Variants in SHISA9 observed in about 807,000 individuals in gnomAD.
The protein encoded by SHISA9 is shisa family member 9.
Under a neutral mutation model 38.0 loss-of-function variants are expected in SHISA9, and 13 were observed. The ratio of observed to expected loss-of-function variants is 0.34; its 90% confidence interval spans 0.22 to 0.54. The LOEUF is 0.54. Among genes scored for constraint, SHISA9 ranks in the 20% least tolerant of loss-of-function variants. The pLI, the probability that SHISA9 is intolerant of heterozygous loss-of-function variation, is 0.91. For missense variants in SHISA9, 538 were observed against 575.8 expected (o/e 0.93, Z 0.67); for synonymous variants, 275 against 242.0 (o/e 1.14, Z -1.27).
chr16:13,218,893 G>A (rs780008369), intron 4 of SHISA9, among the ~76,000 whole-genome samples: 4 of 152,178 alleles, frequency 2.6e-5, no homozygotes, highest in South Asian at 4.1e-4. Flanking sequence ...AACACCCATC[G>A]AAAGGCAGCT....
intron 2 of SHISA9, among the ~76,000 whole-genome samples, chr16:13,116,178 A>C (rs1271738747): frequency 6.6e-6 from 1 of 152,174 alleles, no homozygotes; most frequent in Non-Finnish European, 1.5e-5. Context: ...TGTGCACATA[A>C]GCTGATGCCT....
At chr16:13,281,064 A>G in the SHISA9 span, among the ~76,000 whole-genome samples, 1 of 151,832 alleles carries the variant, frequency 6.6e-6, no homozygotes. Context: ...TGCGAGTCAC[A>G]TTATTTACAT....
chr16:12,910,729 G>A lies in SHISA9; in HGVS notation c.564-5959G>A, dbSNP rs148301745. On this transcript the variant is annotated intron_variant, in intron 1 of 4. Transcript: ENST00000558583. ...AGCTTAGCTTCTTCTTCAGGTAACTGCAAGAGACAGGGTTCTCTAGAGAAA... is the reference window on the plus strand; with the variant it reads ...AGCTTAGCTTCTTCTTCAGGTAACTACAAGAGACAGGGTTCTCTAGAGAAA... The A allele has an allele frequency of 8.1e-6, 8 of 984,880 alleles. No individual in the cohort carries two copies. The Admixed American group carries it at 4.9e-4, about 60-fold the overall frequency. 61.0% of individuals were successfully genotyped at this position (984,880 alleles called of 1,614,324 possible). A position where few individuals can be genotyped will look rare whatever the true frequency, so the allele number is the denominator to read the frequency against.
At position 13,046,345 on chromosome 16, in the gene SHISA9, GGGTTTCA is replaced by G. The variant is rs1467859799; in HGVS notation, c.691+129533_691+129539del. Among the ~76,000 whole-genome samples, 3 of 152,192 alleles carry G rather than the reference GGGTTTCA, an allele frequency of 2.0e-5. No homozygotes were observed. The East Asian group carries it at 5.8e-4, about 29-fold the overall frequency. On this transcript the variant is annotated intron_variant, in intron 2 of 4. Transcript: ENST00000558583. The stretch of plus-strand genomic sequence containing the variant: ...TAAGTATGAGAGGCAGTCTGGATAT[GGGTTTCA>G]GGCACTCGGAAAGCTGAATTTTTAG...
At chr16:13,329,008 G>C in the SHISA9 span, among the ~76,000 whole-genome samples, 10 of 152,118 alleles carry the variant, frequency 6.6e-5, no homozygotes, top group Non-Finnish European at 1.5e-5. Flanking sequence ...TGTGCAAGTA[G>C]AAAATGGCTG....
chr16:13,148,504 T>C, intron 2 of SHISA9, among the ~76,000 whole-genome samples: 1 of 152,074 alleles, frequency 6.6e-6, no homozygotes, highest in Non-Finnish European at 1.5e-5. Flanking sequence ...CCACGTCACA[T>C]TGACACTCAT....
chr16:13,303,073 G>A, the SHISA9 span, among the ~76,000 whole-genome samples: 8 of 152,104 alleles, frequency 5.3e-5, no homozygotes, highest in Admixed American at 2.0e-4. Context: ...AGACTAATAC[G>A]ATGACCCAGT....
the SHISA9 span, among the ~76,000 whole-genome samples, chr16:13,388,267 A>G: frequency 6.6e-6 from 1 of 151,940 alleles, no homozygotes; most frequent in South Asian, 2.1e-4. Context: ...GCAAACTCTC[A>G]GAAGGGGGAA....
intron 2 of SHISA9, among the ~76,000 whole-genome samples, chr16:13,127,628 G>A (rs1405864108): frequency 6.6e-6 from 1 of 152,126 alleles, no homozygotes; most frequent in Non-Finnish European, 1.5e-5. Context: ...TTCTCTGGCT[G>A]TCCTCCAAAA....
the SHISA9 span, among the ~76,000 whole-genome samples, chr16:13,320,860 A>C: frequency 1.3e-5 from 2 of 152,194 alleles, no homozygotes; most frequent in African/African-American, 4.8e-5. Flanking sequence ...CCATTTATAC[A>C]ACAAGAAGGT....
At chr16:13,536,616 AAAG>A in the SHISA9 span, among the ~76,000 whole-genome samples, 184 of 152,340 alleles carry the variant, frequency 1.2e-3, no homozygotes, top group Admixed American at 2.2e-3. Context: ...AAAGACTAGC[AAAG>A]AAGAAGACGC....
At chr16:13,038,763 T>A (rs2073101863) in intron 2 of SHISA9, among the ~76,000 whole-genome samples, 1 of 152,148 alleles carries the variant, frequency 6.6e-6, no homozygotes, top group Admixed American at 6.6e-5. Context: ...CACTAGACCT[T>A]AAGCTCCACA....
At chr16:13,112,270 T>A (rs538475500) in intron 2 of SHISA9, among the ~76,000 whole-genome samples, 1 of 151,662 alleles carries the variant, frequency 6.6e-6, no homozygotes, top group Non-Finnish European at 1.5e-5. Flanking sequence ...ATTCAATGCA[T>A]ATTTGTTGAA....
chr16:13,313,270 A>C, the SHISA9 span, among the ~76,000 whole-genome samples: 37 of 150,588 alleles, frequency 2.5e-4, 1 homozygote, highest in Non-Finnish European at 4.6e-4. Context: ...AAAAAAAAAA[A>C]AACCCAGTTT....
chr16:13,329,730 G>T, the SHISA9 span, among the ~76,000 whole-genome samples: 1 of 152,200 alleles, frequency 6.6e-6, no homozygotes, highest in Non-Finnish European at 1.5e-5. Context: ...AGCCATGCCA[G>T]TGAATTCCTA....
At chr16:13,335,385 G>T in the SHISA9 span, among the ~76,000 whole-genome samples, 1 of 152,118 alleles carries the variant, frequency 6.6e-6, no homozygotes, top group Non-Finnish European at 1.5e-5. Context: ...TGGCTTTTCT[G>T]GTTCCGCTTC....
At chr16:13,028,102 T>C (rs2072947294) in intron 2 of SHISA9, among the ~76,000 whole-genome samples, 1 of 151,976 alleles carries the variant, frequency 6.6e-6, no homozygotes, top group African/African-American at 2.4e-5. Flanking sequence ...CCTTCTCAGG[T>C]AATGAAAACC....
the SHISA9 span, among the ~76,000 whole-genome samples, chr16:13,446,570 G>C: frequency 6.6e-6 from 1 of 152,108 alleles, no homozygotes; most frequent in African/African-American, 2.4e-5. Flanking sequence ...TTTTGAGCTG[G>C]GGGTTAGAAG....
At position 13,007,079 on chromosome 16, in the gene SHISA9, G is replaced by A. The variant is rs765775290; in HGVS notation, c.691+90264G>A. On this transcript the variant is annotated intron_variant, in intron 2 of 4. Transcript: ENST00000558583. ...ATAGATATCTATGGATTCTATTCAT[G>A]TGCCAGTGTATTCTAGATACTAGAG... Among the ~76,000 whole-genome samples the A allele has an allele frequency of 1.3e-4, 20 of 152,108 alleles. 1 individual carries two copies. The highest frequency in any genetic ancestry group is 2.0e-4 in the Admixed American group (3 of 15,270).
Sources: gnomAD v4.1 joint callset for allele counts (sites outside exome capture counted in the v4.1 genomes callset) on GRCh38, gnomAD v4.1.1 for gene constraint, MANE v1.5 for transcripts, NCBI Gene and HGNC (gene_info 2026-07-23, HGNC 2026-07-21) for gene names.